The following TUT1 variants were observed in gnomAD, a reference collection of about 807,000 sequenced individuals.
TUT1 encodes speckle targeted PIP5K1A-regulated poly(A) polymerase.
In TUT1, 26 loss-of-function variants were observed where a neutral mutation model predicts 48.8. The ratio of observed to expected loss-of-function variants is 0.53; its 90% confidence interval spans 0.39 to 0.74. The LOEUF (loss-of-function observed/expected upper bound fraction) is 0.74. Ranked by LOEUF, TUT1 falls within the 30% of genes least tolerant of loss-of-function variation. TUT1 has a pLI of 0.00. For synonymous variants in TUT1, 470 were observed against 460.8 expected (o/e 1.02, Z -0.26); for missense variants, 1,065 against 1,114.8 (o/e 0.96, Z 0.64).
intron 6 of TUT1, 39 bp from the exon 7 acceptor site, chr11:62,577,056 G>A: frequency 6.3e-7 from 1 of 1,599,948 alleles, no homozygotes; most frequent in Middle Eastern, 1.7e-4. Flanking sequence ...GATCAGAGGT[G>A]CTTCTAATCC....
chr11:62,587,659 T>C (rs1941942947), intron 2 of TUT1, among the ~76,000 whole-genome samples: 1 of 152,206 alleles, frequency 6.6e-6, no homozygotes, highest in Non-Finnish European at 1.5e-5. Context: ...TAAATTCCTA[T>C]TGTTTAAGCC....
intron 2 of TUT1, among the ~76,000 whole-genome samples, chr11:62,586,000 G>T (rs533494877): frequency 6.6e-6 from 1 of 152,326 alleles, no homozygotes; most frequent in South Asian, 2.1e-4. Flanking sequence ...TACTCGGGAG[G>T]CTGAGGCAGG....
chr11:62,580,137 C>G (rs925507402), intron 4 of TUT1, among the ~76,000 whole-genome samples: 1 of 152,006 alleles, frequency 6.6e-6, no homozygotes, highest in Non-Finnish European at 1.5e-5. Flanking sequence ...CTTTCCTAAA[C>G]AGAATCTGTA....
chr11:62,575,390 C>T lies in TUT1; in HGVS notation c.2329G>A (p.Gly777Arg), dbSNP rs2134301540. 1 of 1,612,544 alleles carries T rather than the reference C, an allele frequency of 6.2e-7. No homozygotes were observed. The highest frequency in any genetic ancestry group is 2.2e-5 in the East Asian group (1 of 44,874). ...RCALWHRVWQGRRRARRRLQQ... is the reference protein window; with the variant it reads ...RCALWHRVWQRRRRARRRLQQ... ...AAGCGTCTACGGGCTCGCCGCCGCC[C>T]TTGCCACACTCGGTGCCACAAGGCA... Residue 777 changes from glycine to arginine, a missense_variant, in exon 9 of 9, where the codon GGG (glycine) becomes AGG (arginine). Physicochemically the swap from Gly to Arg is moderately radical, Grantham distance 125. Transcript: ENST00000476907.
At chr11:62,577,372 T>TGC in intron 5 of TUT1, 81 bp from the exon 6 acceptor site, 1 of 1,083,538 alleles carries the variant, frequency 9.2e-7, no homozygotes, top group Non-Finnish European at 1.4e-6. Flanking sequence ...CAGACTTGCA[T>TGC]AACTGGAGCC....
Position 62,577,253 on chromosome 11 carries a change from G to C in TUT1, c.1199C>G (p.Ser400Cys). The change falls in exon 6 of 9, where the codon TCT (serine) becomes TGT (cysteine). Residue 400 changes from serine (S) to cysteine (C), a missense_variant. By Grantham distance (112) the Ser-to-Cys change is moderately radical (BLOSUM62 -1). Transcript: ENST00000476907. ...GGGCCGGACTCGACCATCCAGCTCA[G>C]AGCAGAGACTCAGGAAACGGGAGTT... ...LHNSRFLSLC[S>C]ELDGRVRPLV... The C allele has an allele frequency of 2.5e-6, 4 of 1,612,858 alleles. No individual in the cohort carries two copies. Among genetic ancestry groups the C allele is most frequent in the Non-Finnish European group, 3.4e-6 (4 of 1,179,664 alleles).
chr11:62,583,174 C>T (rs969708333), intron 2 of TUT1, among the ~76,000 whole-genome samples: 4 of 150,856 alleles, frequency 2.7e-5, no homozygotes, highest in Admixed American at 1.3e-4. Context: ...AAACACTGTG[C>T]GAGGCATAAA....
chr11:62,591,489 G>T lies in TUT1; in HGVS notation c.-4C>A. The T allele has an allele frequency of 6.2e-7, 1 of 1,611,236 alleles. No individual in the cohort carries two copies. Among genetic ancestry groups the T allele is most frequent in the Non-Finnish European group, 8.5e-7 (1 of 1,178,642 alleles). On this transcript the variant is annotated 5_prime_UTR_variant, in exon 1 of 9. Transcript: ENST00000476907. ...CATCCGAATCCACCGCCGCCATAGC[G>T]ACTCTCCTGTACCGACAAAAACACA...
intron 2 of TUT1, among the ~76,000 whole-genome samples, chr11:62,586,858 C>T (rs974212515): frequency 8.6e-5 from 13 of 151,268 alleles, no homozygotes; most frequent in Non-Finnish European, 4.4e-5. Context: ...GCGCCTGCCA[C>T]CACACCCAGC....
chr11:62,586,951 C>T (rs1196535354), intron 2 of TUT1, among the ~76,000 whole-genome samples: 5 of 149,872 alleles, frequency 3.3e-5, no homozygotes, highest in African/African-American at 4.9e-5. Flanking sequence ...GTGATCCTCC[C>T]ACCTCAGTCT....
chr11:62,587,475 C>T (rs1941939884), intron 2 of TUT1, among the ~76,000 whole-genome samples: 1 of 152,198 alleles, frequency 6.6e-6, no homozygotes, highest in Non-Finnish European at 1.5e-5. Context: ...GCCACTGGAC[C>T]TGGCCGACAC....
intron 7 of TUT1, 52 bp downstream of exon 7, chr11:62,576,852 TGAA>T: frequency 6.3e-7 from 1 of 1,598,884 alleles, no homozygotes; most frequent in Non-Finnish European, 8.6e-7. Context: ...CTAAGTGTGA[TGAA>T]GAAGAGAGAG....
chr11:62,591,316 GACTGACT>G (rs1481122727), intron 1 of TUT1, 81 bp downstream of exon 1: 2 of 1,440,946 alleles, frequency 1.4e-6, no homozygotes, highest in Non-Finnish European at 1.8e-6. Flanking sequence ...TGACAAGAAC[GACTGACT>G]ACCTATAACC....
rs774921483 is a variant in TUT1 at position 62,578,979 on chromosome 11, G to T, written c.742C>A (p.Pro248Thr). The T allele has an allele frequency of 1.3e-6, 2 of 1,523,202 alleles. No individual in the cohort carries two copies. Among genetic ancestry groups the T allele is most frequent in the Non-Finnish European group, 1.8e-6 (2 of 1,137,384 alleles). The allele number at this position is 1,523,202 out of a possible 1,614,324, so 94.4% of individuals were successfully genotyped here. ...CAGGCCAGGGCTTGAGGGTCCAGTG[G>T]GGAAGCCAGGGCCGAGTCCAGCGAT... Reference protein sequence around the residue: ...SPSLDSALASPLDPQALACTP... With the variant: ...SPSLDSALASTLDPQALACTP... Residue 248 changes from proline to threonine, a missense_variant, in exon 5 of 9, where the codon CCA becomes ACA. Pro to Thr is a conservative substitution (Grantham distance 38, BLOSUM62 -1). Coordinates refer to ENST00000476907, the MANE Select transcript of TUT1 (RefSeq NM_022830.3).
chr11:62,584,181 C>T (rs569493276), intron 2 of TUT1, among the ~76,000 whole-genome samples: 1 of 146,196 alleles, frequency 6.8e-6, no homozygotes, highest in Non-Finnish European at 1.5e-5. Context: ...GACTTGAGTA[C>T]AGTGGCACAC....
At position 62,589,178 on chromosome 11, in the gene TUT1, G is replaced by A. The variant is rs1401523416; in HGVS notation, c.126C>T (p.His42=). The A allele has an allele frequency of 1.2e-6, 2 of 1,614,090 alleles. No individual in the cohort carries two copies. Among genetic ancestry groups the A allele is most frequent in the African/African-American group, 1.3e-5 (1 of 74,934 alleles). The change falls in exon 2 of 9, where the codon CAC becomes CAT. Residue 42 remains histidine (H), a synonymous_variant. Coordinates refer to ENST00000476907, the MANE Select transcript of TUT1 (RefSeq NM_022830.3). ...DAHLGGRKHR[H]LVELRAARKA... ...TTCTCGCAGCTCGTAGTTCTACCAG[G>A]TGCCGGTGCTTTCTGCCTCCCAAGT...
chr11:62,587,826 A>T (rs1199500735), intron 2 of TUT1, among the ~76,000 whole-genome samples: 1 of 152,234 alleles, frequency 6.6e-6, no homozygotes. Flanking sequence ...CAAGGAACAC[A>T]GCACCTCAAC....
chr11:62,579,150 A>C (rs1303954181), intron 4 of TUT1, 120 bp from the exon 5 acceptor site: 1 of 639,348 alleles, frequency 1.6e-6, no homozygotes, highest in Non-Finnish European at 2.3e-6. Context: ...ATATTAACTC[A>C]TTTAATCTTC....
intron 2 of TUT1, among the ~76,000 whole-genome samples, chr11:62,582,814 A>G (rs1206728805): frequency 6.6e-6 from 1 of 152,198 alleles, no homozygotes; most frequent in Non-Finnish European, 1.5e-5. Context: ...GAATGAGTCC[A>G]CTTTAAAAAT....
Sources: gnomAD v4.1 joint callset for allele counts (sites outside exome capture counted in the v4.1 genomes callset) on GRCh38, gnomAD v4.1.1 for gene constraint, MANE v1.5 for transcripts, NCBI Gene and HGNC (gene_info 2026-07-23, HGNC 2026-07-21) for gene names.